Variants in TCF7L1 observed in about 807,000 individuals in gnomAD.
TCF7L1 encodes the protein transcription factor 7 like 1.
A neutral mutation model predicts 63.7 loss-of-function variants in TCF7L1; 18 were observed. That is an observed-to-expected ratio of 0.28 (90% CI 0.20 to 0.42). The LOEUF (loss-of-function observed/expected upper bound fraction) is 0.42, where lower values mean the gene tolerates loss of function less well. Among genes scored for constraint, TCF7L1 ranks in the 10% least tolerant of loss-of-function variants. The probability of loss-of-function intolerance (pLI) is 1.00; values close to 1 mark genes in which losing one functional copy is unlikely to be tolerated. For missense variants in TCF7L1, 654 were observed against 779.3 expected, an observed-to-expected ratio of 0.84 and a Z score of 1.91; for synonymous variants, 355 against 340.9, an observed-to-expected ratio of 1.04 and a Z score of -0.46.
intron 3 of TCF7L1, among the ~76,000 whole-genome samples, chr2:85,232,649 C>T (rs769662989): frequency 7.9e-5 from 12 of 152,188 alleles, no homozygotes; most frequent in Admixed American, 3.9e-4. Context: ...ACTGATTAAG[C>T]GGTATCTCCT....
intron 4 of TCF7L1, among the ~76,000 whole-genome samples, chr2:85,289,832 C>T (rs1376185355): frequency 1.3e-5 from 2 of 151,814 alleles, no homozygotes; most frequent in Non-Finnish European, 2.9e-5. Flanking sequence ...CCACCACGCC[C>T]AGCTAATTTT....
At chr2:85,209,620 C>G (rs1394422483) in intron 3 of TCF7L1, among the ~76,000 whole-genome samples, 2 of 152,112 alleles carry the variant, frequency 1.3e-5, no homozygotes, top group Non-Finnish European at 2.9e-5. Context: ...TCCACAGACC[C>G]CTGCTTCAGA....
intron 3 of TCF7L1, among the ~76,000 whole-genome samples, chr2:85,236,690 G>A (rs1321020998): frequency 6.6e-6 from 1 of 152,090 alleles, no homozygotes; most frequent in African/African-American, 2.4e-5. Context: ...GGGCTGTGTT[G>A]GGGGCAGGGG....
chr2:85,306,090 C>T lies in TCF7L1; in HGVS notation c.990-116C>T. On this transcript the variant is annotated intron_variant, in intron 8 of 11. Coordinates refer to ENST00000282111, the MANE Select transcript of TCF7L1 (RefSeq NM_031283.3). The surrounding 1 kb of genome is among the most constrained non-coding windows in gnomAD (Gnocchi z 4.3). ...GCAGCCATGGGGCCACTTGAATTAG[C>T]ATCCAGGCAGCCCGCGCCCCTCCCC... 8.0e-7 allele frequency: 1 copy of T among 1,253,714 alleles called. No homozygotes were observed. 77.7% of individuals were successfully genotyped at this position (1,253,714 alleles called of 1,614,324 possible).
At chr2:85,176,501 G>A (rs999255470) in intron 3 of TCF7L1, among the ~76,000 whole-genome samples, 5 of 152,148 alleles carry the variant, frequency 3.3e-5, no homozygotes, top group African/African-American at 1.2e-4. Flanking sequence ...GAGTCCCCAT[G>A]GCAAGTTCGC....
intron 3 of TCF7L1, among the ~76,000 whole-genome samples, chr2:85,192,428 A>G (rs1679055811): frequency 6.6e-6 from 1 of 152,048 alleles, no homozygotes; most frequent in Non-Finnish European, 1.5e-5. Flanking sequence ...CAGAGTCCCG[A>G]TCTGTTGCCC....
intron 3 of TCF7L1, among the ~76,000 whole-genome samples, chr2:85,206,862 T>C (rs963598570): frequency 1.3e-5 from 2 of 152,226 alleles, no homozygotes; most frequent in African/African-American, 2.4e-5. Flanking sequence ...GAAAAAAAGA[T>C]AATCCAATCT....
intron 4 of TCF7L1, among the ~76,000 whole-genome samples, chr2:85,297,970 T>C (rs897209474): frequency 1.3e-5 from 2 of 151,114 alleles, no homozygotes; most frequent in African/African-American, 4.9e-5. Flanking sequence ...TATTTTATTT[T>C]TGTTTGAGAC....
At chr2:85,144,545 T>A (rs1574077089) in intron 3 of TCF7L1, among the ~76,000 whole-genome samples, 1 of 151,970 alleles carries the variant, frequency 6.6e-6, no homozygotes, top group Admixed American at 6.6e-5. Flanking sequence ...GAGGCTGCAG[T>A]AAGCCAAGAT....
chr2:85,261,716 T>G (rs1250540379), intron 3 of TCF7L1, among the ~76,000 whole-genome samples: 5 of 134,082 alleles, frequency 3.7e-5, no homozygotes, highest in African/African-American at 1.3e-4. Context: ...CATAGCAAGA[T>G]CCCATCTGTT....
chr2:85,202,868 C>A (rs1679305552), intron 3 of TCF7L1, among the ~76,000 whole-genome samples: 1 of 152,134 alleles, frequency 6.6e-6, no homozygotes, highest in Non-Finnish European at 1.5e-5. Context: ...GAGTCTCGCT[C>A]TTTCGCCCAG....
chr2:85,244,896 G>A (rs1210193349), intron 3 of TCF7L1, among the ~76,000 whole-genome samples: 3 of 152,168 alleles, frequency 2.0e-5, no homozygotes, highest in East Asian at 1.9e-4. Flanking sequence ...CTGAGAAGGA[G>A]CAGCCAGAGA....
At chr2:85,140,318 T>C (rs937924425) in intron 3 of TCF7L1, among the ~76,000 whole-genome samples, 4 of 152,102 alleles carry the variant, frequency 2.6e-5, no homozygotes, top group Admixed American at 2.0e-4. Flanking sequence ...ACGTTAGGTG[T>C]GAGGGGATGT....
intron 3 of TCF7L1, among the ~76,000 whole-genome samples, chr2:85,177,686 C>T (rs1678711039): frequency 6.6e-6 from 1 of 151,918 alleles, no homozygotes; most frequent in Admixed American, 6.6e-5. Flanking sequence ...GCCTGGGCAA[C>T]AGAGCAAGAC....
At chr2:85,187,047 A>C (rs1678943474) in intron 3 of TCF7L1, 1 of 152,178 alleles carries the variant, frequency 6.6e-6, no homozygotes. Flanking sequence ...ACTAAGATGC[A>C]GCACCAGATA....
chr2:85,250,693 CCCAAAGTGGTAGGATTACAGGCGTGAT>C (rs1237353762), intron 3 of TCF7L1, among the ~76,000 whole-genome samples: 4 of 152,168 alleles, frequency 2.6e-5, no homozygotes. Flanking sequence ...ACCTCAGCCT[CCCAAAGTGGTAGGATTACAGGCGTGAT>C]CCACCATGCC....
At chr2:85,196,257 A>G (rs1332661552) in intron 3 of TCF7L1, among the ~76,000 whole-genome samples, 2 of 152,142 alleles carry the variant, frequency 1.3e-5, no homozygotes, top group African/African-American at 2.4e-5. Flanking sequence ...GCCCACATAA[A>G]CGATGTCATT....
intron 3 of TCF7L1, among the ~76,000 whole-genome samples, chr2:85,158,960 C>T (rs1266794220): frequency 3.3e-5 from 5 of 152,238 alleles, no homozygotes; most frequent in South Asian, 2.1e-4. Context: ...AATCTACCTG[C>T]ATTTCCATGT....
At chr2:85,304,450 C>G (rs559930453) in intron 7 of TCF7L1, 112 bp downstream of exon 7, 30 of 1,078,926 alleles carry the variant, frequency 2.8e-5, no homozygotes, top group Middle Eastern at 4.6e-4. Context: ...GCTCACCCTC[C>G]CCCCACCTCT....
Sources: gnomAD v4.1 joint callset for allele counts (sites outside exome capture counted in the v4.1 genomes callset) on GRCh38, gnomAD v4.1.1 for gene constraint, Gnocchi (gnomAD v3.1) non-coding constraint, MANE v1.5 for transcripts, NCBI Gene and HGNC (gene_info 2026-07-23, HGNC 2026-07-21) for gene names.